The following LRGUK variants were observed in gnomAD, a reference collection of about 807,000 sequenced individuals.
LRGUK encodes leucine rich repeats and guanylate kinase domain containing.
LRGUK carries 65 observed loss-of-function variants against 76.0 expected under a neutral mutation model. The observed-to-expected ratio is 0.85, with a 90% CI of 0.70 to 1.05. LRGUK has a LOEUF of 1.05. Among genes scored for constraint, LRGUK ranks in the 50% least tolerant of loss-of-function variants. The pLI is 0.00. For missense variants in LRGUK, 758 were observed against 732.8 expected (o/e 1.03, Z -0.40); for synonymous variants, 268 against 265.6 (o/e 1.01, Z -0.09).
intron 18 of LRGUK, among the ~76,000 whole-genome samples, chr7:134,251,709 C>T (rs540701981): frequency 2.0e-4 from 31 of 152,056 alleles, no homozygotes; most frequent in Middle Eastern, 3.4e-3. Flanking sequence ...TTGCATTTTT[C>T]GCTAAAAGAT....
chr7:134,255,091 A>T (rs1378286506), intron 18 of LRGUK, among the ~76,000 whole-genome samples: 1 of 152,206 alleles, frequency 6.6e-6, no homozygotes, highest in Non-Finnish European at 1.5e-5. Flanking sequence ...AAGATAAGTC[A>T]ATCCAAAACA....
At chr7:134,127,483 A>T (rs757168128) in exon 1 of LRGUK, 8 of 1,614,120 alleles carry the variant, frequency 5.0e-6, no homozygotes, top group Non-Finnish European at 6.8e-6. Context: ...AAAGAGCGTC[A>T]GCCTTGCTGG....
intron 13 of LRGUK, 136 bp from the exon 14 acceptor site, chr7:134,199,084 G>T: frequency 1.7e-6 from 1 of 588,604 alleles, no homozygotes; most frequent in Non-Finnish European, 2.9e-6. Flanking sequence ...AAAAATAGTA[G>T]CTAACTATAC....
chr7:134,143,132 C>T, exon 4 of LRGUK: 2 of 1,609,034 alleles, frequency 1.2e-6, no homozygotes, highest in Middle Eastern at 1.7e-4. Flanking sequence ...TGACTACGTT[C>T]TTCAATTTCA....
the LRGUK span, among the ~76,000 whole-genome samples, chr7:134,270,069 A>G: frequency 6.6e-6 from 1 of 152,210 alleles, no homozygotes; most frequent in Non-Finnish European, 1.5e-5. Context: ...CATTTAACAT[A>G]GGACTAGAAG....
At chr7:134,155,023 A>C (rs1301555028) in intron 5 of LRGUK, among the ~76,000 whole-genome samples, 1 of 152,144 alleles carries the variant, frequency 6.6e-6, no homozygotes, top group Non-Finnish European at 1.5e-5. Context: ...CAGTGGTTTT[A>C]TTCTGCCATG....
intron 11 of LRGUK, among the ~76,000 whole-genome samples, chr7:134,185,287 C>G (rs903004891): frequency 1.3e-5 from 2 of 152,096 alleles, no homozygotes; most frequent in Admixed American, 6.6e-5. Flanking sequence ...GAGGCTGAGA[C>G]TAGTGGCTCA....
chr7:134,214,352 A>G (rs970222195), downstream of LRGUK, among the ~76,000 whole-genome samples: 1 of 152,188 alleles, frequency 6.6e-6, no homozygotes, highest in Non-Finnish European at 1.5e-5. Flanking sequence ...GCACAGTTTT[A>G]CAATTTTCTG....
chr7:134,142,922 T>C (rs1229876634), intron 3 of LRGUK, 140 bp from the exon 4 acceptor site: 2 of 552,208 alleles, frequency 3.6e-6, no homozygotes. Context: ...ATTTTATTCC[T>C]TTCACTCATA....
At chr7:134,207,860 G>C (rs1202219402) in intron 15 of LRGUK, among the ~76,000 whole-genome samples, 1 of 152,146 alleles carries the variant, frequency 6.6e-6, no homozygotes, top group African/African-American at 2.4e-5. Context: ...TGGTATTTGG[G>C]CCCCCAGAAT....
rs531009575 is a variant in LRGUK, at chr7:134,245,794, C to A, written c.1984-1762C>A. 2.0e-5 allele frequency among the ~76,000 whole-genome samples: 3 copies of A among 152,028 alleles called. No individual in the cohort carries two copies. In the South Asian group the frequency reaches 6.2e-4, roughly 32 times the overall value. ...AATAAATTCACGGGAGAGTGAATAA[C>A]AACAAACACAAAAAATAAAGTAAAT... On this transcript the variant is annotated intron_variant, in intron 16 of 19. Transcript: ENST00000285928.
chr7:134,268,605 G>A (rs899485182), downstream of LRGUK, among the ~76,000 whole-genome samples: 35 of 150,388 alleles, frequency 2.3e-4, no homozygotes, highest in African/African-American at 8.6e-4. Flanking sequence ...AAACAGAAGA[G>A]GAAGGAAAAC....
At chr7:134,226,369 C>T (rs1464572314) in intron 16 of LRGUK, among the ~76,000 whole-genome samples, 1 of 152,104 alleles carries the variant, frequency 6.6e-6, no homozygotes, top group South Asian at 2.1e-4. Flanking sequence ...GTACATGAGG[C>T]CTTCTCTATA....
intron 16 of LRGUK, among the ~76,000 whole-genome samples, chr7:134,241,351 G>C (rs1353130400): frequency 6.6e-6 from 1 of 152,126 alleles, no homozygotes; most frequent in African/African-American, 2.4e-5. Flanking sequence ...TAAAGGGATG[G>C]AGGAAGATCT....
intron 16 of LRGUK, among the ~76,000 whole-genome samples, chr7:134,225,125 G>GAAAAAAAAA (rs769671717): frequency 1.6e-5 from 1 of 60,902 alleles, no homozygotes; most frequent in South Asian, 6.5e-4. Flanking sequence ...AACAGAACTG[G>GAAAAAAAAA]AAAAAAAAAA....
In LRGUK at chr7:134,209,981, G is replaced by T; in HGVS notation, c.3118G>T (p.Glu1040Ter). Residue 1040 changes from glutamate (E) to a stop codon, truncating the protein, a stop_gained, in exon 16 of 16, where the codon GAA becomes TAA. Coordinates refer to ENST00000645682, the Ensembl canonical transcript of LRGUK. LOFTEE classifies it low-confidence loss of function (END_TRUNC). Reference sequence around the variant, plus strand: ...TCAGCCTGATCCAAGGCCTGCAAAGGAAAGGAAAGCTCCCCAAGCAGGCAG... The same window carrying T: ...TCAGCCTGATCCAAGGCCTGCAAAGTAAAGGAAAGCTCCCCAAGCAGGCAG... 1 of 399,596 alleles carries T rather than the reference G, an allele frequency of 2.5e-6. No individual in the cohort carries two copies. The highest frequency in any genetic ancestry group is 4.4e-5 in the Admixed American group (1 of 22,744). 24.8% of individuals were successfully genotyped at this position (399,596 alleles called of 1,614,324 possible).
chr7:134,132,525 T>TAAGTGA (rs1797357887), intron 1 of LRGUK, among the ~76,000 whole-genome samples: 1 of 151,308 alleles, frequency 6.6e-6, no homozygotes, highest in Non-Finnish European at 1.5e-5. Flanking sequence ...AGTTGAAGAG[T>TAAGTGA]AGTTGGGAGG....
chr7:134,163,447 G>C (rs750300833), exon 7 of LRGUK: 22 of 1,613,870 alleles, frequency 1.4e-5, no homozygotes, highest in Non-Finnish European at 1.9e-5. Flanking sequence ...TGAAAGCCCT[G>C]CAGAACCTGG....
exon 5 of LRGUK, chr7:134,148,267 T>C (rs1466678485): frequency 6.2e-7 from 1 of 1,606,788 alleles, no homozygotes; most frequent in South Asian, 1.1e-5. Flanking sequence ...ACCAAATTTC[T>C]GAAATTTGTG....
Sources: allele counts gnomAD v4.1 joint callset (sites outside exome capture counted in the v4.1 genomes callset), GRCh38; gene constraint gnomAD v4.1.1; transcripts MANE v1.5; gene names NCBI Gene and HGNC (gene_info 2026-07-23, HGNC 2026-07-21).